Variants in HIVEP3 observed in about 807,000 individuals in gnomAD.
HIVEP3 encodes the protein transcription factor HIVEP3.
In HIVEP3, 49 loss-of-function variants were observed where a neutral mutation model predicts 152.8. That is an observed-to-expected ratio of 0.32 (90% CI 0.26 to 0.41). The LOEUF is 0.41. Ranked by LOEUF, HIVEP3 falls within the 10% of genes least tolerant of loss-of-function variation. The pLI is 1.00. For synonymous variants in HIVEP3, 1,269 were observed against 1,289.0 expected (o/e 0.98, Z 0.33); for missense variants, 2,790 against 3,103.3 (o/e 0.90, Z 2.40).
intron 1 of HIVEP3, among the ~76,000 whole-genome samples, chr1:41,880,320 G>T (rs912111104): frequency 1.3e-5 from 2 of 152,132 alleles, no homozygotes; most frequent in Non-Finnish European, 2.9e-5. Flanking sequence ...GGAGATTACA[G>T]GAGTGAGCCA....
chr1:41,845,331 A>G (rs1282182736), intron 1 of HIVEP3, among the ~76,000 whole-genome samples: 2 of 151,946 alleles, frequency 1.3e-5, no homozygotes, highest in Non-Finnish European at 2.9e-5. Flanking sequence ...GTAAATAAAT[A>G]CTAGTAGAAT....
Position 41,575,709 on chromosome 1 carries a change from A to G in HIVEP3, c.5062-20T>C. ...GTGAACCTGGCCCACCGCAGGAATG[A>G]CAAAATCATTGCTGGTTAAAAGTGC... On this transcript the variant is annotated intron_variant, in intron 4 of 8. Transcript: ENST00000372583. 2 of 1,612,662 alleles carry G rather than the reference A, an allele frequency of 1.2e-6. No individual in the cohort carries two copies. Among genetic ancestry groups the G allele is most frequent in the South Asian group, 1.1e-5 (1 of 91,054 alleles).
At chr1:41,605,375 GCACACACACACA>G (rs57942643) in intron 3 of HIVEP3, among the ~76,000 whole-genome samples, 2 of 126,624 alleles carry the variant, frequency 1.6e-5, no homozygotes, top group African/African-American at 3.0e-5. Flanking sequence ...ACGCACACGC[GCACACACACACA>G]CACACACACA....
At chr1:42,027,853 G>A (rs958224661) in intron 1 of HIVEP3, among the ~76,000 whole-genome samples, 4 of 152,112 alleles carry the variant, frequency 2.6e-5, no homozygotes, top group Non-Finnish European at 4.4e-5. Flanking sequence ...TCACTATCAC[G>A]AGAATAGCAC....
intron 5 of HIVEP3, among the ~76,000 whole-genome samples, chr1:41,558,619 C>T (rs574450156): frequency 3.3e-5 from 5 of 152,324 alleles, no homozygotes; most frequent in African/African-American, 1.2e-4. Flanking sequence ...AGACTCCACC[C>T]TGGGATTCAG....
At chr1:41,847,998 G>A (rs1419313126) in intron 1 of HIVEP3, 3 of 152,254 alleles carry the variant, frequency 2.0e-5, no homozygotes, top group East Asian at 1.9e-4. Flanking sequence ...TCTGAGAACA[G>A]GAATGTCTAG....
intron 1 of HIVEP3, among the ~76,000 whole-genome samples, chr1:41,859,061 A>G (rs1643848103): frequency 6.6e-6 from 1 of 152,210 alleles, no homozygotes; most frequent in East Asian, 1.9e-4. Flanking sequence ...GCCCAGGGTT[A>G]TTAAAGGAAT....
intron 1 of HIVEP3, among the ~76,000 whole-genome samples, chr1:41,949,321 C>T (rs552031033): frequency 5.9e-5 from 9 of 152,144 alleles, no homozygotes; most frequent in Non-Finnish European, 8.8e-5. Context: ...CTCGCATTGG[C>T]GGTATCACAA....
intron 2 of HIVEP3, among the ~76,000 whole-genome samples, chr1:41,637,927 A>G (rs78233694): frequency 5.6e-4 from 85 of 152,348 alleles, no homozygotes; most frequent in African/African-American, 2.0e-3. Flanking sequence ...TTAAGAGGCC[A>G]ATATCTTAAG....
chr1:41,913,125 A>ACTTAATTT (rs1166554584), intron 1 of HIVEP3, among the ~76,000 whole-genome samples: 1 of 152,232 alleles, frequency 6.6e-6, no homozygotes, highest in African/African-American at 2.4e-5. Flanking sequence ...GGTGAAAGAA[A>ACTTAATTT]CTTAATTTCC....
intron 3 of HIVEP3, among the ~76,000 whole-genome samples, chr1:41,627,141 A>T (rs1444937113): frequency 6.6e-6 from 1 of 152,224 alleles, no homozygotes; most frequent in Non-Finnish European, 1.5e-5. Context: ...CAGGGCTGCA[A>T]CTGGGAGAGC....
intron 3 of HIVEP3, among the ~76,000 whole-genome samples, chr1:41,599,367 C>T (rs990621858): frequency 3.3e-5 from 5 of 152,140 alleles, no homozygotes; most frequent in Non-Finnish European, 4.4e-5. Flanking sequence ...ATTTCTTACT[C>T]GATTGACAAA....
At chr1:41,524,254 G>T (rs1642839254) in intron 6 of HIVEP3, among the ~76,000 whole-genome samples, 1 of 152,172 alleles carries the variant, frequency 6.6e-6, no homozygotes, top group Non-Finnish European at 1.5e-5. Flanking sequence ...TGGAGAGGTG[G>T]GTGGAGGTCG....
chr1:41,999,344 A>G (rs1645413976), intron 1 of HIVEP3, among the ~76,000 whole-genome samples: 1 of 152,202 alleles, frequency 6.6e-6, no homozygotes, highest in Non-Finnish European at 1.5e-5. Flanking sequence ...ATTAAAGGCA[A>G]TTAGAATTGG....
intron 5 of HIVEP3, among the ~76,000 whole-genome samples, chr1:41,540,369 T>C (rs772257694): frequency 6.6e-6 from 1 of 152,204 alleles, no homozygotes; most frequent in Admixed American, 6.5e-5. Context: ...CAGTTTTTGA[T>C]CTATCTGAAT....
chr1:41,764,424 G>A (rs1296512010), intron 1 of HIVEP3, among the ~76,000 whole-genome samples: 2 of 152,198 alleles, frequency 1.3e-5, no homozygotes, highest in African/African-American at 2.4e-5. Context: ...GGTGCGGGTG[G>A]GGGGCATGAG....
chr1:41,904,299 C>T (rs905610817), intron 1 of HIVEP3, among the ~76,000 whole-genome samples: 1 of 152,060 alleles, frequency 6.6e-6, no homozygotes, highest in East Asian at 1.9e-4. Flanking sequence ...GCTTGGTGAC[C>T]CCGGGCCAGT....
rs538826348 is a variant in HIVEP3, at chr1:42,014,969, G to A, written n.119+20838C>T. ...TACTCCACTCACATAAAGATGAGAT[G>A]GCAAACACATCTGTGACTGTCAGGC... is the stretch of plus-strand genomic sequence containing the variant. On this transcript the variant is annotated intron_variant and non_coding_transcript_variant, in intron 1 of 3. Coordinates refer to the HIVEP3 transcript ENST00000489103. Among the ~76,000 whole-genome samples, 3 of 152,268 alleles carry A rather than the reference G, an allele frequency of 2.0e-5. No individual in the cohort carries two copies. The East Asian group carries it at 5.8e-4, about 29-fold the overall frequency.
At chr1:41,778,551 G>A (rs981094021) in intron 1 of HIVEP3, among the ~76,000 whole-genome samples, 1 of 152,240 alleles carries the variant, frequency 6.6e-6, no homozygotes, top group African/African-American at 2.4e-5. Flanking sequence ...GTTGCTGGAG[G>A]GCGGGGCAGG....
Sources: gnomAD v4.1 joint callset for allele counts (sites outside exome capture counted in the v4.1 genomes callset) on GRCh38, gnomAD v4.1.1 for gene constraint, MANE v1.5 for transcripts, NCBI Gene and HGNC (gene_info 2026-07-23, HGNC 2026-07-21) for gene names.